Variants in RBFOX1 observed in about 807,000 individuals in gnomAD.
The protein encoded by RBFOX1 is RNA binding fox-1 homolog 1, also known as RNA binding protein fox-1 homolog 1.
RBFOX1 carries 8 observed loss-of-function variants against 57.7 expected under a neutral mutation model. The observed-to-expected ratio is 0.14, with a 90% CI of 0.08 to 0.25. RBFOX1 has a LOEUF of 0.25. Ranked by LOEUF, RBFOX1 falls within the 10% of genes least tolerant of loss-of-function variation. The pLI, the probability that RBFOX1 is intolerant of heterozygous loss-of-function variation, is 1.00. For missense variants in RBFOX1, 611 were observed against 548.5 expected, an observed-to-expected ratio of 1.11 and a Z score of -1.14; for synonymous variants, 326 against 222.4, an observed-to-expected ratio of 1.47 and a Z score of -4.15.
intron 2 of RBFOX1, among the ~76,000 whole-genome samples, chr16:6,511,975 G>C (rs1051155662): frequency 1.1e-4 from 16 of 152,054 alleles, no homozygotes; most frequent in African/African-American, 3.9e-4. Context: ...TACCCCTACA[G>C]GGATAAGAGA....
intron 1 of RBFOX1, among the ~76,000 whole-genome samples, chr16:5,461,360 C>T (rs774210119): frequency 4.6e-5 from 7 of 152,162 alleles, no homozygotes; most frequent in Non-Finnish European, 1.0e-4. Context: ...CTCCTTTCCC[C>T]TGGAGGCACT....
intron 3 of RBFOX1, among the ~76,000 whole-genome samples, chr16:5,624,521 C>T (rs374094678): frequency 2.5e-4 from 38 of 152,338 alleles, no homozygotes; most frequent in African/African-American, 8.7e-4. Flanking sequence ...AAAGCTCGTA[C>T]CCAGGTGGGG....
chr16:7,703,048 G>T (rs1213281584), intron 14 of RBFOX1, among the ~76,000 whole-genome samples: 4 of 152,214 alleles, frequency 2.6e-5, no homozygotes, highest in African/African-American at 7.2e-5. Context: ...ACAGGGAAGT[G>T]AAAGAGAACA....
At chr16:7,522,960 G>T (rs964313703) in intron 5 of RBFOX1, among the ~76,000 whole-genome samples, 1 of 152,138 alleles carries the variant, frequency 6.6e-6, no homozygotes, top group Admixed American at 6.5e-5. Context: ...TTATCTCAAA[G>T]TCTTTTCTTG....
intron 1 of RBFOX1, among the ~76,000 whole-genome samples, chr16:6,316,760 C>G (rs2081171611): frequency 6.6e-6 from 1 of 152,082 alleles, no homozygotes; most frequent in Admixed American, 6.6e-5. Flanking sequence ...GTTTCCTCTT[C>G]TGAAATAGAG....
intron 4 of RBFOX1, among the ~76,000 whole-genome samples, chr16:7,335,519 A>G (rs900839231): frequency 2.8e-4 from 41 of 148,508 alleles, no homozygotes; most frequent in Middle Eastern, 7.3e-3. Context: ...CTCCCTTTTC[A>G]TATTTTCAAG....
chr16:7,153,061 A>G (rs984137636), intron 4 of RBFOX1, among the ~76,000 whole-genome samples: 2 of 152,210 alleles, frequency 1.3e-5, no homozygotes, highest in African/African-American at 4.8e-5. Context: ...ATGTAGAACC[A>G]TGGCATGGTC....
intron 2 of RBFOX1, among the ~76,000 whole-genome samples, chr16:5,589,975 A>T (rs918613724): frequency 3.3e-5 from 5 of 152,090 alleles, no homozygotes; most frequent in African/African-American, 7.2e-5. Context: ...GACTGACGTG[A>T]GACTGGGTTT....
intron 3 of RBFOX1, among the ~76,000 whole-genome samples, chr16:5,853,493 C>T (rs1014575330): frequency 2.6e-5 from 4 of 152,166 alleles, no homozygotes; most frequent in Non-Finnish European, 1.5e-5. Context: ...GTAATCTAAT[C>T]GCTGGACCAT....
In RBFOX1 at chr16:5,753,985, C is replaced by G. The variant is rs373354656; in HGVS notation, c.319-113318C>G. On this transcript the variant is annotated intron_variant, in intron 3 of 19. Coordinates refer to the RBFOX1 transcript ENST00000641259. ...TATCTAGCCTCTCCACGTAGCCTTT[C>G]TTTTTATTCATTTTTCTAATCTAAC... 2.6e-5 allele frequency among the ~76,000 whole-genome samples: 4 copies of G among 152,266 alleles called. No individual in the cohort carries two copies. The East Asian group carries it at 7.7e-4, about 29-fold the overall frequency.
chr16:5,486,340 T>G (rs2042627211), intron 2 of RBFOX1, among the ~76,000 whole-genome samples: 1 of 152,208 alleles, frequency 6.6e-6, no homozygotes, highest in Non-Finnish European at 1.5e-5. Context: ...GTTCTCCATC[T>G]GAAGTTCAGC....
intron 4 of RBFOX1, among the ~76,000 whole-genome samples, chr16:7,346,074 G>A (rs533639348): frequency 2.3e-4 from 35 of 152,216 alleles, no homozygotes; most frequent in South Asian, 1.0e-3. Flanking sequence ...GAGAACATGC[G>A]GTGTTTGGTT....
chr16:7,224,495 C>T (rs28680234), intron 4 of RBFOX1, among the ~76,000 whole-genome samples: 8,181 of 152,196 alleles, frequency 0.054, 281 homozygotes, highest in African/African-American at 0.09. Context: ...TATAAAAATA[C>T]TGCTACCTGG....
intron 3 of RBFOX1, among the ~76,000 whole-genome samples, chr16:5,630,422 A>T (rs1010852031): frequency 1.3e-5 from 2 of 151,976 alleles, no homozygotes; most frequent in African/African-American, 4.8e-5. Flanking sequence ...ACGCTATTGC[A>T]CTCCAGCCTG....
chr16:6,487,156 G>GTGTCTGTGTGTC (rs368797107), intron 2 of RBFOX1, among the ~76,000 whole-genome samples: 1 of 91,508 alleles, frequency 1.1e-5, no homozygotes, highest in African/African-American at 3.1e-5. Flanking sequence ...GTGTGTGTGT[G>GTGTCTGTGTGTC]TGTGTGTGTG....
intron 4 of RBFOX1, among the ~76,000 whole-genome samples, chr16:7,272,784 C>G (rs1242730028): frequency 6.6e-6 from 1 of 152,136 alleles, no homozygotes; most frequent in Non-Finnish European, 1.5e-5. Flanking sequence ...GCTTTGTATT[C>G]TTTTCACAGA....
intron 3 of RBFOX1, among the ~76,000 whole-genome samples, chr16:6,963,390 A>C (rs1055741760): frequency 3.3e-5 from 5 of 152,292 alleles, no homozygotes; most frequent in African/African-American, 1.2e-4. Flanking sequence ...AAACACACAC[A>C]CACACTTGAA....
rs187037866 is a variant in RBFOX1 at position 5,935,597 on chromosome 16, G to C, written c.351+68262G>C. On this transcript the variant is annotated intron_variant, in intron 4 of 19. Coordinates refer to the RBFOX1 transcript ENST00000641259. ...ATCTGGGTTCTGGACTGGTTGGCTT[G>C]TATTTGAAATGCATACTTACACAGG... Among the ~76,000 whole-genome samples the C allele has an allele frequency of 2.6e-5, 4 of 152,278 alleles. No individual in the cohort carries two copies. In the East Asian group the frequency reaches 5.8e-4, roughly 22 times the overall value.
At chr16:5,405,935 C>G (rs1389575866) in intron 1 of RBFOX1, among the ~76,000 whole-genome samples, 1 of 152,098 alleles carries the variant, frequency 6.6e-6, no homozygotes, top group Non-Finnish European at 1.5e-5. Flanking sequence ...GGAGAACGCT[C>G]TGGGGAAGAG....
Sources: allele counts gnomAD v4.1 joint callset (sites outside exome capture counted in the v4.1 genomes callset), GRCh38; gene constraint gnomAD v4.1.1; transcripts MANE v1.5; gene names NCBI Gene and HGNC (gene_info 2026-07-23, HGNC 2026-07-21).